Variants in RUNX1T1 observed in about 807,000 individuals in gnomAD.
The protein encoded by RUNX1T1 is protein CBFA2T1.
RUNX1T1 carries 4 observed loss-of-function variants against 62.8 expected under a neutral mutation model. The ratio of observed to expected loss-of-function variants is 0.06; its 90% CI spans 0.03 to 0.15. RUNX1T1 has a LOEUF of 0.15. RUNX1T1 is among the 10% of genes least tolerant of loss of function. The pLI, the probability that RUNX1T1 is intolerant of heterozygous loss-of-function variation, is 1.00. For synonymous variants in RUNX1T1, 291 were observed against 286.0 expected (o/e 1.02, Z -0.18); for missense variants, 508 against 754.3 (o/e 0.67, Z 3.82).
chr8:92,076,134 T>G, exon 2 of RUNX1T1: 1 of 1,533,258 alleles, frequency 6.5e-7, no homozygotes, highest in South Asian at 1.3e-5. Context: ...GAGATCAATC[T>G]TTTCTATTGA....
intron 1 of RUNX1T1, among the ~76,000 whole-genome samples, chr8:92,085,744 A>T (rs1836005595): frequency 6.6e-6 from 1 of 152,218 alleles, no homozygotes; most frequent in Non-Finnish European, 1.5e-5. Context: ...ATCTTAATGA[A>T]CCATATCCTA....
chr8:92,044,428 T>TA (rs1163055785), intron 1 of RUNX1T1, among the ~76,000 whole-genome samples: 3 of 152,096 alleles, frequency 2.0e-5, no homozygotes, highest in Non-Finnish European at 2.9e-5. Context: ...GCATCTATGG[T>TA]AAAAAATGAG....
intron 7 of RUNX1T1, 143 bp from the exon 9 acceptor site, chr8:91,986,468 A>G (rs909097808): frequency 9.2e-6 from 6 of 653,968 alleles, no homozygotes; most frequent in African/African-American, 9.0e-5. Flanking sequence ...TTCTATGACT[A>G]GATTTGAAAT....
At chr8:92,015,262 T>C (rs773226136) in intron 2 of RUNX1T1, among the ~76,000 whole-genome samples, 2 of 152,260 alleles carry the variant, frequency 1.3e-5, no homozygotes, top group African/African-American at 2.4e-5. Flanking sequence ...TGAACATTTT[T>C]AATCATGTTT....
At chr8:92,035,276 TAA>T (rs927905841) in intron 1 of RUNX1T1, among the ~76,000 whole-genome samples, 2 of 126,880 alleles carry the variant, frequency 1.6e-5, no homozygotes, top group Non-Finnish European at 3.1e-5. Flanking sequence ...GTCTGAGCGA[TAA>T]GAGTGAAATT....
intron 1 of RUNX1T1, among the ~76,000 whole-genome samples, chr8:92,059,452 AAT>A (rs1255516931): frequency 6.6e-6 from 1 of 152,224 alleles, no homozygotes; most frequent in Non-Finnish European, 1.5e-5. Context: ...AAAACAGAAA[AAT>A]AGTCTAGTAC....
At chr8:92,103,243 T>G, upstream of RUNX1T1, 1 of 257,860 alleles carries the variant, frequency 3.9e-6, no homozygotes, top group Non-Finnish European at 7.4e-6. Context: ...CGCAGGGAAT[T>G]GCCACTGTCA....
At chr8:92,043,545 T>G (rs1043651010) in intron 1 of RUNX1T1, among the ~76,000 whole-genome samples, 2 of 152,074 alleles carry the variant, frequency 1.3e-5, no homozygotes, top group African/African-American at 4.8e-5. Flanking sequence ...ATAAAAAGTA[T>G]GATTATTTTA....
intron 3 of RUNX1T1, among the ~76,000 whole-genome samples, chr8:92,013,033 A>G (rs889316169): frequency 6.6e-6 from 1 of 152,204 alleles, no homozygotes; most frequent in Non-Finnish European, 1.5e-5. Context: ...ACCACTGTTA[A>G]TAAAGAACAT....
chr8:92,072,886 T>G (rs952826985), intron 2 of RUNX1T1, among the ~76,000 whole-genome samples: 1 of 152,220 alleles, frequency 6.6e-6, no homozygotes, highest in African/African-American at 2.4e-5. Context: ...ATCATCTATA[T>G]CAGCATTTTA....
upstream of RUNX1T1, among the ~76,000 whole-genome samples, chr8:92,102,139 G>A (rs1318074987): frequency 6.6e-6 from 1 of 152,174 alleles, no homozygotes; most frequent in Non-Finnish European, 1.5e-5. The surrounding 1 kb of genome is among the most constrained non-coding windows in gnomAD (Gnocchi z 4.5). Flanking sequence ...GGTCGGGCGG[G>A]GACGACTCTC....
chr8:92,034,372 A>C (rs1176870766), intron 1 of RUNX1T1, among the ~76,000 whole-genome samples: 2 of 152,164 alleles, frequency 1.3e-5, no homozygotes, highest in Non-Finnish European at 2.9e-5. Flanking sequence ...GCATTTAGTA[A>C]GTGCCATGTG....
At chr8:91,994,746 G>A (rs1454585752) in intron 5 of RUNX1T1, 1 of 358,504 alleles carries the variant, frequency 2.8e-6, no homozygotes, top group Admixed American at 3.6e-5. Context: ...TAAAGTGCCA[G>A]AGGAACCCAC....
exon 4 of RUNX1T1, chr8:92,011,086 G>A: frequency 6.3e-7 from 1 of 1,578,290 alleles, no homozygotes. Flanking sequence ...TTGTCAAAGT[G>A]GAGTTCTATG....
chr8:92,042,902 G>A (rs1415497234), intron 1 of RUNX1T1, among the ~76,000 whole-genome samples: 1 of 152,148 alleles, frequency 6.6e-6, no homozygotes, highest in African/African-American at 2.4e-5. Context: ...CCTGAGCTGT[G>A]TTTGGATTCA....
chr8:91,955,623 A>G (rs1181761027), downstream of RUNX1T1: 26 of 226,160 alleles, frequency 1.1e-4, no homozygotes, highest in East Asian at 1.7e-3. Flanking sequence ...GCTCCAAGTC[A>G]CCCTCCCATG....
exon 11 of RUNX1T1, chr8:91,959,603 A>G: frequency 4.6e-6 from 1 of 216,020 alleles, no homozygotes; most frequent in Middle Eastern, 1.4e-3. Context: ...CATTCTGTTG[A>G]CCTGGATATT....
intron 5 of RUNX1T1, among the ~76,000 whole-genome samples, chr8:91,993,456 G>A (rs1299688068): frequency 6.6e-6 from 1 of 152,104 alleles, no homozygotes; most frequent in Admixed American, 6.5e-5. Flanking sequence ...ATACTAAGAA[G>A]GATGCACTAT....
chr8:92,090,487 T>C (rs902527706), intron 1 of RUNX1T1, among the ~76,000 whole-genome samples: 34 of 152,134 alleles, frequency 2.2e-4, no homozygotes, highest in African/African-American at 4.6e-4. Context: ...CAGTGCAGTG[T>C]AGAATGAAGG....
Sources: gnomAD v4.1 joint callset for allele counts (sites outside exome capture counted in the v4.1 genomes callset) on GRCh38, gnomAD v4.1.1 for gene constraint, Gnocchi (gnomAD v3.1) non-coding constraint, MANE v1.5 for transcripts, NCBI Gene and HGNC (gene_info 2026-07-23, HGNC 2026-07-21) for gene names.